Variants in RUNX2 observed in about 807,000 individuals in gnomAD.
RUNX2 encodes runt-related transcription factor 2.
A neutral mutation model predicts 51.7 loss-of-function variants in RUNX2; 10 were observed. The observed-to-expected ratio is 0.19, with a 90% CI of 0.12 to 0.33. RUNX2 has a LOEUF of 0.33. Ranked by LOEUF, RUNX2 falls within the 10% of genes least tolerant of loss-of-function variation. The probability of loss-of-function intolerance (pLI) is 1.00; values close to 1 mark genes in which losing one functional copy is unlikely to be tolerated. For missense variants in RUNX2, 562 were observed against 691.3 expected (o/e 0.81, Z 2.10); for synonymous variants, 276 against 273.6 (o/e 1.01, Z -0.09).
chr6:45,362,108 G>A (rs1029656498), intron 2 of RUNX2, among the ~76,000 whole-genome samples: 3 of 152,152 alleles, frequency 2.0e-5, no homozygotes, highest in Non-Finnish European at 2.9e-5. Flanking sequence ...CCTCACTGGT[G>A]ATATTCACCA....
intron 2 of RUNX2, among the ~76,000 whole-genome samples, chr6:45,391,923 T>A (rs1051171260): frequency 1.3e-5 from 2 of 152,204 alleles, no homozygotes; most frequent in Admixed American, 6.5e-5. Context: ...TTAGTTTTGC[T>A]TTTTAAATAT....
intron 7 of RUNX2, among the ~76,000 whole-genome samples, chr6:45,525,936 A>T (rs4714857): frequency 0.2 from 30,141 of 151,746 alleles, 3,431 homozygotes; most frequent in Non-Finnish European, 0.26. Flanking sequence ...AGGCTGCAGT[A>T]AGCTGAGATT....
chr6:45,536,242 A>C (rs1025321697), intron 7 of RUNX2, among the ~76,000 whole-genome samples: 1 of 152,092 alleles, frequency 6.6e-6, no homozygotes, highest in Non-Finnish European at 1.5e-5. Flanking sequence ...TGGTCAGCCC[A>C]GGCCTCCAGT....
At chr6:45,425,000 G>A (rs1193083505) in intron 3 of RUNX2, among the ~76,000 whole-genome samples, 4 of 152,014 alleles carry the variant, frequency 2.6e-5, no homozygotes, top group African/African-American at 9.7e-5. Context: ...TTTTAAATTA[G>A]TCTTATATGA....
chr6:45,341,247 T>C (rs971235397), intron 2 of RUNX2, among the ~76,000 whole-genome samples: 3 of 152,214 alleles, frequency 2.0e-5, no homozygotes, highest in Non-Finnish European at 4.4e-5. Context: ...TGAGATTATA[T>C]TTTTCAGTCT....
chr6:45,375,826 TAA>T (rs552598332), intron 2 of RUNX2, among the ~76,000 whole-genome samples: 2 of 145,208 alleles, frequency 1.4e-5, no homozygotes, highest in African/African-American at 2.5e-5. Context: ...ACACTTGCTT[TAA>T]AAAAAAAAAA....
intron 7 of RUNX2, among the ~76,000 whole-genome samples, chr6:45,525,177 T>C (rs1291225823): frequency 6.6e-6 from 1 of 152,200 alleles, no homozygotes; most frequent in African/African-American, 2.4e-5. Flanking sequence ...TCAGAGCAGT[T>C]AACAAAGAAA....
intron 5 of RUNX2, among the ~76,000 whole-genome samples, chr6:45,460,249 A>C (rs1229799842): frequency 3.3e-5 from 5 of 152,204 alleles, no homozygotes; most frequent in African/African-American, 9.6e-5. Flanking sequence ...TGGGACCCTG[A>C]GTAGGTACAA....
intron 2 of RUNX2, among the ~76,000 whole-genome samples, chr6:45,335,137 A>C (rs1018905487): frequency 6.6e-6 from 1 of 151,238 alleles, no homozygotes; most frequent in Non-Finnish European, 1.5e-5. Flanking sequence ...AAACAATTTA[A>C]GCATTGAATT....
At position 45,370,604 on chromosome 6, in the gene RUNX2, C is replaced by T. The variant is rs908130356; in HGVS notation, c.58+41820C>T. ...TAAGGATCAACTAATCTCATAAGTT[C>T]AGTTTCTCTGTCAGGAATAATTTAT... On this transcript the variant is annotated intron_variant, in intron 2 of 8. Transcript: ENST00000647337. Among the ~76,000 whole-genome samples the T allele has an allele frequency of 2.6e-5, 4 of 152,212 alleles. No homozygotes were observed. The South Asian group carries it at 8.3e-4, about 32-fold the overall frequency.
chr6:45,394,962 G>T (rs533460314), intron 2 of RUNX2, among the ~76,000 whole-genome samples: 2 of 152,082 alleles, frequency 1.3e-5, no homozygotes, highest in East Asian at 1.9e-4. Flanking sequence ...GTGTGTGTGG[G>T]GGGGAGGCAA....
At chr6:45,539,052 C>T (rs566804141) in intron 7 of RUNX2, among the ~76,000 whole-genome samples, 21 of 152,230 alleles carry the variant, frequency 1.4e-4, no homozygotes, top group Non-Finnish European at 2.2e-4. Flanking sequence ...ATCTTTGGCT[C>T]GTTCCTTCCC....
intron 2 of RUNX2, among the ~76,000 whole-genome samples, chr6:45,346,567 C>CTTTTTTTTTTTTTTTTTTTTTTTTTT (rs71745024): frequency 1.4e-5 from 2 of 140,430 alleles, no homozygotes; most frequent in Non-Finnish European, 3.1e-5. Context: ...ATAAACATTT[C>CTTTTTTTTTTTTTTTTTTTTTTTTTT]TTTTTTTTTT....
At position 45,347,442 on chromosome 6, in the gene RUNX2, T is replaced by C. The variant is rs530394435; in HGVS notation, c.58+18658T>C. On this transcript the variant is annotated intron_variant, in intron 2 of 8. Coordinates refer to ENST00000647337, the MANE Select transcript of RUNX2 (RefSeq NM_001024630.4). ...AGAAATACCTCAACATAAATCACTA[T>C]GGCACATAATGAACCCAAAAGGAAT... Among the ~76,000 whole-genome samples, 29 of 152,268 alleles carry C rather than the reference T, an allele frequency of 1.9e-4. No individual in the cohort carries two copies. In the South Asian group the frequency reaches 5.8e-3, roughly 30 times the overall value.
intron 2 of RUNX2, among the ~76,000 whole-genome samples, chr6:45,402,744 C>T (rs754587027): frequency 6.6e-6 from 1 of 152,044 alleles, no homozygotes; most frequent in Non-Finnish European, 1.5e-5. Flanking sequence ...TGGTGACATG[C>T]TCCTGTGGTC....
intron 2 of RUNX2, among the ~76,000 whole-genome samples, chr6:45,336,453 G>A (rs1788570424): frequency 6.6e-6 from 1 of 151,274 alleles, no homozygotes. Flanking sequence ...TGATTATTAG[G>A]CTTATTTTTA....
chr6:45,344,217 T>C (rs1250937175), intron 2 of RUNX2, among the ~76,000 whole-genome samples: 1 of 152,166 alleles, frequency 6.6e-6, no homozygotes, highest in African/African-American at 2.4e-5. Flanking sequence ...TTCCTAGAAG[T>C]TTAGCTCCTC....
intron 2 of RUNX2, among the ~76,000 whole-genome samples, chr6:45,389,606 A>G (rs1563064486): frequency 2.0e-5 from 3 of 152,248 alleles, no homozygotes; most frequent in African/African-American, 2.4e-5. Context: ...TAAATAATGG[A>G]TCATTGTAGA....
chr6:45,422,773 C>CT lies in RUNX2; in HGVS notation c.239_240insT (p.Ala81GlyfsTer80). 1 of 1,484,002 alleles carries CT rather than the reference C, an allele frequency of 6.7e-7. No homozygotes were observed. The highest frequency in any genetic ancestry group is 1.4e-5 in the South Asian group (1 of 74,038). The allele number at this position is 1,484,002 out of a possible 1,614,324, so 91.9% of individuals were successfully genotyped here. On this transcript the variant is annotated frameshift_variant, in exon 3 of 9. Transcript: ENST00000647337. LOFTEE classifies it high-confidence loss of function. ...GAGGCGGCGGCGGCGGCTGCGGCGGCGGCGGCGGCTGCGGCGGCGGCAGCT... is the reference window on the plus strand; with the variant it reads ...GAGGCGGCGGCGGCGGCTGCGGCGGCTGGCGGCGGCTGCGGCGGCGGCAGCT...
Sources: gnomAD v4.1 joint callset for allele counts (sites outside exome capture counted in the v4.1 genomes callset) on GRCh38, gnomAD v4.1.1 for gene constraint, MANE v1.5 for transcripts, NCBI Gene and HGNC (gene_info 2026-07-23, HGNC 2026-07-21) for gene names.